The following ADK variants were observed in gnomAD, a reference collection of about 807,000 sequenced individuals.
The protein encoded by ADK is adenosine kinase.
In ADK, 24 loss-of-function variants were observed where a neutral mutation model predicts 44.7. The observed-to-expected ratio is 0.54, with a 90% CI of 0.39 to 0.76. The LOEUF is 0.76. ADK is among the 30% of genes least tolerant of loss of function. The pLI is 0.00. For synonymous variants in ADK, 128 were observed against 142.6 expected, an observed-to-expected ratio of 0.90 and a Z score of 0.73; for missense variants, 321 against 425.1, an observed-to-expected ratio of 0.76 and a Z score of 2.15.
At chr10:74,469,525 G>A (rs919946816) in intron 6 of ADK, among the ~76,000 whole-genome samples, 10 of 151,890 alleles carry the variant, frequency 6.6e-5, no homozygotes, top group African/African-American at 2.2e-4. Context: ...ACCTCACCCA[G>A]CTCATTTTAA....
chr10:74,257,543 A>G (rs970858458), intron 3 of ADK, among the ~76,000 whole-genome samples: 2 of 152,142 alleles, frequency 1.3e-5, no homozygotes, highest in African/African-American at 4.8e-5. Flanking sequence ...AATTGAGCAT[A>G]TTGTTTTTGA....
In ADK at chr10:74,573,756, C is replaced by G. The variant is rs560928011; in HGVS notation, c.727-15526C>G. ...TCGCTGCTGCCTTGCAGTTTGATCTCAGACTGCTGTGCTAGCAATCAGCGA... is the reference window on the plus strand; with the variant it reads ...TCGCTGCTGCCTTGCAGTTTGATCTGAGACTGCTGTGCTAGCAATCAGCGA... On this transcript the variant is annotated intron_variant, in intron 7 of 10. Coordinates refer to ENST00000539909, the MANE Select transcript of ADK (RefSeq NM_006721.4). Among the ~76,000 whole-genome samples, 12 of 152,328 alleles carry G rather than the reference C, an allele frequency of 7.9e-5. No homozygotes were observed. The South Asian group carries it at 2.5e-3, about 32-fold the overall frequency.
At chr10:74,587,238 G>A (rs1018626507) in intron 7 of ADK, among the ~76,000 whole-genome samples, 1 of 152,118 alleles carries the variant, frequency 6.6e-6, no homozygotes, top group South Asian at 2.1e-4. Flanking sequence ...TGATATCACC[G>A]CCAGCAAATG....
At chr10:74,675,135 G>A (rs1460257808) in intron 10 of ADK, among the ~76,000 whole-genome samples, 1 of 151,894 alleles carries the variant, frequency 6.6e-6, no homozygotes, top group Non-Finnish European at 1.5e-5. Flanking sequence ...CTATATTTTA[G>A]TCCACTTTGT....
At chr10:74,307,275 CTT>C (rs1211108158) in intron 3 of ADK, among the ~76,000 whole-genome samples, 1 of 152,206 alleles carries the variant, frequency 6.6e-6, no homozygotes, top group Non-Finnish European at 1.5e-5. Context: ...ACCTCTTTAA[CTT>C]AGCATTCAGT....
intron 7 of ADK, among the ~76,000 whole-genome samples, chr10:74,584,947 T>C (rs552087776): frequency 5.3e-5 from 8 of 152,332 alleles, no homozygotes; most frequent in African/African-American, 1.9e-4. Flanking sequence ...ATAATTCTAC[T>C]TTATAAGTAA....
intron 3 of ADK, among the ~76,000 whole-genome samples, chr10:74,297,572 G>A (rs904913417): frequency 3.9e-5 from 6 of 152,188 alleles, no homozygotes; most frequent in Non-Finnish European, 7.4e-5. Flanking sequence ...AGGGCGAACT[G>A]AGCCCAAGTG....
intron 6 of ADK, among the ~76,000 whole-genome samples, chr10:74,499,611 C>G (rs1297466174): frequency 6.6e-6 from 1 of 152,032 alleles, no homozygotes; most frequent in Non-Finnish European, 1.5e-5. Context: ...TGGCGTGAAC[C>G]CGGGAGGCGG....
chr10:74,579,474 A>C (rs1319270091), intron 7 of ADK, among the ~76,000 whole-genome samples: 1 of 152,146 alleles, frequency 6.6e-6, no homozygotes. Context: ...CAATGCAAAA[A>C]CCAGACAAGG....
At chr10:74,510,783 C>T (rs1386356501) in intron 6 of ADK, among the ~76,000 whole-genome samples, 1 of 152,186 alleles carries the variant, frequency 6.6e-6, no homozygotes, top group Non-Finnish European at 1.5e-5. Context: ...TAATGACTCA[C>T]TGCAGCCTTG....
At chr10:74,384,539 G>A (rs10740431) in intron 4 of ADK, among the ~76,000 whole-genome samples, 97,103 of 151,820 alleles carry the variant, frequency 0.64, 32,478 homozygotes, top group Middle Eastern at 0.79. Flanking sequence ...GCATGGTGGC[G>A]TGCACCTGTA....
In ADK at chr10:74,478,562, T is replaced by G. The variant is rs575547537; in HGVS notation, c.556-46694T>G. Among the ~76,000 whole-genome samples, 8 of 152,196 alleles carry G rather than the reference T, an allele frequency of 5.3e-5. No individual in the cohort carries two copies. In the East Asian group the frequency reaches 1.5e-3, roughly 29 times the overall value. ...ACTTTGAAGAACCTGAGCACGCACA[T>G]ATATTTCTTCCCTCTTTGTTAGTAA... On this transcript the variant is annotated intron_variant, in intron 6 of 10. Coordinates refer to ENST00000539909, the MANE Select transcript of ADK (RefSeq NM_006721.4).
At chr10:74,299,744 C>T (rs1369542330) in intron 3 of ADK, among the ~76,000 whole-genome samples, 1 of 151,642 alleles carries the variant, frequency 6.6e-6, no homozygotes, top group Non-Finnish European at 1.5e-5. Flanking sequence ...TTGTAGACAA[C>T]ATTTGAATCT....
intron 6 of ADK, among the ~76,000 whole-genome samples, chr10:74,411,044 C>T (rs1005540689): frequency 6.6e-6 from 1 of 152,116 alleles, no homozygotes; most frequent in Non-Finnish European, 1.5e-5. Flanking sequence ...TTATATTGGT[C>T]AAATCGATGA....
At chr10:74,168,306 G>A (rs535225804) in intron 1 of ADK, among the ~76,000 whole-genome samples, 2 of 152,190 alleles carry the variant, frequency 1.3e-5, no homozygotes, top group Admixed American at 1.3e-4. Context: ...TTGGGAGGCC[G>A]AGGCGGGCAG....
At chr10:74,522,847 C>T (rs1016083293) in intron 6 of ADK, among the ~76,000 whole-genome samples, 2 of 151,926 alleles carry the variant, frequency 1.3e-5, no homozygotes. Flanking sequence ...TCTAATTATC[C>T]TCTCTCCCTT....
chr10:74,521,989 T>TA (rs937227669), intron 6 of ADK, among the ~76,000 whole-genome samples: 24 of 152,180 alleles, frequency 1.6e-4, no homozygotes, highest in African/African-American at 5.6e-4. Context: ...AGAATTTCAC[T>TA]AGCAGTACTT....
chr10:74,340,732 CTTAT>C (rs1238204152), intron 4 of ADK, among the ~76,000 whole-genome samples: 1 of 152,062 alleles, frequency 6.6e-6, no homozygotes, highest in Non-Finnish European at 1.5e-5. Flanking sequence ...TTGTGAGAGA[CTTAT>C]TTTTCACTCA....
At position 74,576,652 on chromosome 10, in the gene ADK, T is replaced by C. The variant is rs537410007; in HGVS notation, c.727-12630T>C. Among the ~76,000 whole-genome samples the C allele has an allele frequency of 2.6e-5, 4 of 152,274 alleles. No individual in the cohort carries two copies. The East Asian group carries it at 7.7e-4, about 29-fold the overall frequency. On this transcript the variant is annotated intron_variant, in intron 7 of 10. Coordinates refer to ENST00000539909, the MANE Select transcript of ADK (RefSeq NM_006721.4). ...TAGGTGGAATTTGTAGTATTATTTA[T>C]CATAAGTCAGATGGCTGTTAACAAA...
Sources: allele counts gnomAD v4.1 joint callset (sites outside exome capture counted in the v4.1 genomes callset), GRCh38; gene constraint gnomAD v4.1.1; transcripts MANE v1.5; gene names NCBI Gene and HGNC (gene_info 2026-07-23, HGNC 2026-07-21).